CDKAL1: variants seen among roughly 807,000 people sequenced by gnomAD.
CDKAL1 encodes the protein CDKAL1 threonylcarbamoyladenosine tRNA methylthiotransferase.
CDKAL1 carries 32 observed loss-of-function variants against 68.2 expected under a neutral mutation model. The observed-to-expected ratio is 0.47, with a 90% CI of 0.35 to 0.63. The LOEUF (loss-of-function observed/expected upper bound fraction) is 0.63, where lower values mean the gene tolerates loss of function less well. CDKAL1 is among the 30% of genes least tolerant of loss of function. The pLI is 0.00. For synonymous variants in CDKAL1, 234 were observed against 244.3 expected (o/e 0.96, Z 0.39); for missense variants, 606 against 696.7 (o/e 0.87, Z 1.47).
At chr6:21,108,509 G>T (rs377309435) in intron 13 of CDKAL1, 46 bp downstream of exon 13, 2 of 1,224,676 alleles carry the variant, frequency 1.6e-6, no homozygotes, top group South Asian at 2.7e-5. Context: ...AAGTCTTTCC[G>T]AATGTATAGT....
At chr6:20,756,808 C>T (rs530367961) in intron 6 of CDKAL1, 1 of 65,622 alleles carries the variant, frequency 1.5e-5, no homozygotes, top group East Asian at 8.9e-4. Flanking sequence ...TTACCATTTC[C>T]TTCCTTCCTT....
chr6:20,631,904 G>C (rs184768048), intron 4 of CDKAL1, among the ~76,000 whole-genome samples: 1 of 152,294 alleles, frequency 6.6e-6, no homozygotes, highest in Non-Finnish European at 1.5e-5. Context: ...ATGAATTCCA[G>C]TATCTAAATA....
intron 2 of CDKAL1, among the ~76,000 whole-genome samples, chr6:20,544,372 C>T (rs1018721387): frequency 6.6e-6 from 1 of 151,226 alleles, no homozygotes; most frequent in East Asian, 2.0e-4. Context: ...CCGAGACGGG[C>T]GGATCGCGAG....
At chr6:21,195,489 A>ATTTG (rs1287288938) in intron 13 of CDKAL1, among the ~76,000 whole-genome samples, 1 of 108,878 alleles carries the variant, frequency 9.2e-6, no homozygotes, top group Non-Finnish European at 2.2e-5. Flanking sequence ...TTATTTATTT[A>ATTTG]TTTATTTATT....
At chr6:20,970,046 T>C (rs929814524) in intron 10 of CDKAL1, among the ~76,000 whole-genome samples, 5 of 152,124 alleles carry the variant, frequency 3.3e-5, no homozygotes, top group African/African-American at 1.2e-4. Flanking sequence ...TTTTGACAAA[T>C]GTCTTTGGGC....
rs560832933 is a variant in CDKAL1, at chr6:20,784,088, C to A, written c.638+2823C>A. Among the ~76,000 whole-genome samples the A allele has an allele frequency of 2.2e-4, 34 of 151,992 alleles. No homozygotes were observed. The East Asian group carries it at 6.5e-3, about 29-fold the overall frequency. ...ATTAGCTGGGCGTGGCGGCGCGTGCCTGTAATCCTAGCTACTCGGGAAGCT... is the reference window on the plus strand; with the variant it reads ...ATTAGCTGGGCGTGGCGGCGCGTGCATGTAATCCTAGCTACTCGGGAAGCT... On this transcript the variant is annotated intron_variant, in intron 8 of 15. Transcript: ENST00000274695.
chr6:20,893,075 G>A (rs1296711346), intron 9 of CDKAL1, among the ~76,000 whole-genome samples: 5 of 152,152 alleles, frequency 3.3e-5, no homozygotes, highest in Non-Finnish European at 5.9e-5. Context: ...AAGCAGAATA[G>A]CATTACCCTG....
intron 5 of CDKAL1, among the ~76,000 whole-genome samples, chr6:20,729,207 G>A (rs1048770174): frequency 6.6e-6 from 1 of 152,172 alleles, no homozygotes; most frequent in African/African-American, 2.4e-5. Flanking sequence ...CAGGTAGTTA[G>A]GGAGGTACTC....
intron 10 of CDKAL1, among the ~76,000 whole-genome samples, chr6:20,959,718 T>G (rs909462491): frequency 1.3e-5 from 2 of 152,216 alleles, no homozygotes; most frequent in East Asian, 1.9e-4. Context: ...ATAAGATGTA[T>G]TTTCCCTGTG....
At chr6:20,997,092 A>G (rs1043685584) in intron 10 of CDKAL1, among the ~76,000 whole-genome samples, 5 of 152,252 alleles carry the variant, frequency 3.3e-5, no homozygotes, top group African/African-American at 1.2e-4. Flanking sequence ...TGCTTAGCAC[A>G]GTATAAGCTA....
chr6:20,945,971 A>G (rs921916329), intron 9 of CDKAL1, among the ~76,000 whole-genome samples: 4 of 152,212 alleles, frequency 2.6e-5, no homozygotes, highest in African/African-American at 7.2e-5. Flanking sequence ...TATACAACGT[A>G]TCTAGTGATT....
At chr6:20,730,260 G>A (rs1410587048) in intron 5 of CDKAL1, among the ~76,000 whole-genome samples, 1 of 151,570 alleles carries the variant, frequency 6.6e-6, no homozygotes. Context: ...GGGAGGTGGA[G>A]GTTTCAGTGA....
chr6:20,941,588 C>T (rs1270977857), intron 9 of CDKAL1, among the ~76,000 whole-genome samples: 1 of 152,158 alleles, frequency 6.6e-6, no homozygotes. Context: ...TGATTACACT[C>T]ATATGCATTG....
intron 4 of CDKAL1, among the ~76,000 whole-genome samples, chr6:20,604,169 G>T (rs906293387): frequency 6.6e-6 from 1 of 152,164 alleles, no homozygotes; most frequent in African/African-American, 2.4e-5. Flanking sequence ...GTGCATGTCA[G>T]TCAGCCTTTT....
At chr6:20,817,985 C>T (rs535664183) in intron 8 of CDKAL1, among the ~76,000 whole-genome samples, 1 of 152,088 alleles carries the variant, frequency 6.6e-6, no homozygotes, top group East Asian at 1.9e-4. Context: ...ATTTCTTGAG[C>T]CTTTTCCTTC....
chr6:20,706,370 C>T (rs2127824150), intron 5 of CDKAL1, among the ~76,000 whole-genome samples: 1 of 152,276 alleles, frequency 6.6e-6, no homozygotes. Flanking sequence ...CTTTAGGCTT[C>T]CCGCCAACCC....
At chr6:21,165,580 G>A (rs1306610840) in intron 13 of CDKAL1, among the ~76,000 whole-genome samples, 1 of 152,128 alleles carries the variant, frequency 6.6e-6, no homozygotes, top group Non-Finnish European at 1.5e-5. Flanking sequence ...TTGAGAGCTC[G>A]TAGAAGAAAC....
At chr6:21,225,539 C>G (rs1351939020) in intron 15 of CDKAL1, among the ~76,000 whole-genome samples, 1 of 152,144 alleles carries the variant, frequency 6.6e-6, no homozygotes, top group Non-Finnish European at 1.5e-5. Context: ...CTTCTGTATT[C>G]CAGGCACTCT....
intron 11 of CDKAL1, among the ~76,000 whole-genome samples, chr6:21,018,805 T>C (rs1393507095): frequency 6.6e-6 from 1 of 152,202 alleles, no homozygotes; most frequent in African/African-American, 2.4e-5. Flanking sequence ...TGTGACTCTT[T>C]TTGTTCTCCA....
Sources: allele counts gnomAD v4.1 joint callset (sites outside exome capture counted in the v4.1 genomes callset), GRCh38; gene constraint gnomAD v4.1.1; transcripts MANE v1.5; gene names NCBI Gene and HGNC (gene_info 2026-07-23, HGNC 2026-07-21).